The following DIS3L2 variants were observed in gnomAD, a reference collection of about 807,000 sequenced individuals.
The protein encoded by DIS3L2 is DIS3-like exonuclease 2.
A neutral mutation model predicts 97.5 loss-of-function variants in DIS3L2; 34 were observed. The ratio of observed to expected loss-of-function variants is 0.35; its 90% CI spans 0.27 to 0.46. The LOEUF is 0.46. DIS3L2 is among the 20% of genes least tolerant of loss of function. The pLI is 1.00. For synonymous variants in DIS3L2, 435 were observed against 445.2 expected (o/e 0.98, Z 0.29); for missense variants, 1,038 against 1,146.0 (o/e 0.91, Z 1.36).
chr2:232,214,724 C>T (rs760523535), intron 10 of DIS3L2, among the ~76,000 whole-genome samples: 2 of 152,234 alleles, frequency 1.3e-5, no homozygotes, highest in Non-Finnish European at 2.9e-5. Flanking sequence ...TTCAGAGTAA[C>T]AGCTACCCAT....
chr2:232,321,124 G>T (rs1695418736), intron 14 of DIS3L2, among the ~76,000 whole-genome samples: 2 of 152,144 alleles, frequency 1.3e-5, no homozygotes, highest in African/African-American at 4.8e-5. Context: ...GGGAACAGAG[G>T]CACTGATCTC....
chr2:232,189,417 C>T (rs770240568), intron 9 of DIS3L2, among the ~76,000 whole-genome samples: 3 of 152,132 alleles, frequency 2.0e-5, no homozygotes, highest in Admixed American at 6.5e-5. Flanking sequence ...TGTTGATATG[C>T]GCAACAGCTT....
At position 232,333,848 on chromosome 2, in the gene DIS3L2, G is replaced by A; in HGVS notation, c.2019G>A (p.Leu673=). 1 of 1,611,308 alleles carries A rather than the reference G, an allele frequency of 6.2e-7. No individual in the cohort carries two copies. Among genetic ancestry groups the A allele is most frequent in the South Asian group, 1.1e-5 (1 of 90,942 alleles). The change falls in exon 17 of 21, where the codon CTG becomes CTA. Residue 673 remains leucine (L), a synonymous_variant. Coordinates refer to ENST00000325385, the MANE Select transcript of DIS3L2 (RefSeq NM_152383.5). The part of the protein sequence containing the change: ...NMCSRPMQMA[L]YFCSGLLQDP... The stretch of plus-strand genomic sequence containing the variant: ...CCCATCCCGTCCCGCAGATGGCACT[G>A]TACTTCTGCTCGGGGCTGCTGCAGG...
intron 12 of DIS3L2, among the ~76,000 whole-genome samples, chr2:232,250,504 A>C (rs867746781): frequency 5.9e-5 from 9 of 151,934 alleles, no homozygotes; most frequent in Middle Eastern, 3.4e-3. Context: ...GAAACAACCC[A>C]GTTTATGCAG....
At chr2:232,103,072 T>A (rs1486142750) in intron 6 of DIS3L2, among the ~76,000 whole-genome samples, 1 of 152,160 alleles carries the variant, frequency 6.6e-6, no homozygotes, top group Non-Finnish European at 1.5e-5. Context: ...TAAACATGAT[T>A]GTTTTTATGA....
downstream of DIS3L2, among the ~76,000 whole-genome samples, chr2:232,337,638 G>C (rs375792297): frequency 1.8e-4 from 27 of 152,006 alleles, no homozygotes; most frequent in Non-Finnish European, 2.6e-4. Flanking sequence ...GTGGCTTGGC[G>C]TCCCCGAGAG....
intron 6 of DIS3L2, among the ~76,000 whole-genome samples, chr2:232,112,389 G>A (rs1239539020): frequency 6.6e-6 from 1 of 152,176 alleles, no homozygotes; most frequent in Non-Finnish European, 1.5e-5. Context: ...GTTACTTGCT[G>A]GGGAAAGAAA....
chr2:232,322,651 G>A (rs1695467502), intron 14 of DIS3L2, among the ~76,000 whole-genome samples: 1 of 152,222 alleles, frequency 6.6e-6, no homozygotes, highest in African/African-American at 2.4e-5. Context: ...GTGAGCACAC[G>A]TTCAAACTTG....
intron 6 of DIS3L2, among the ~76,000 whole-genome samples, chr2:232,126,486 G>A (rs1698067334): frequency 6.6e-6 from 1 of 152,170 alleles, no homozygotes. Context: ...TGGCCTCCAG[G>A]ACCAGGATGA....
At chr2:232,120,212 G>A (rs1457947802) in intron 6 of DIS3L2, among the ~76,000 whole-genome samples, 2 of 152,106 alleles carry the variant, frequency 1.3e-5, no homozygotes, top group Non-Finnish European at 2.9e-5. Context: ...TGTCACTCAG[G>A]CATAACTCTT....
intron 9 of DIS3L2, among the ~76,000 whole-genome samples, chr2:232,208,935 G>A (rs546195016): frequency 4.9e-4 from 75 of 152,022 alleles, no homozygotes; most frequent in African/African-American, 1.5e-3. Flanking sequence ...GTCTGAGGTG[G>A]GAGGATTATT....
intron 3 of DIS3L2, among the ~76,000 whole-genome samples, chr2:232,021,866 C>T (rs1387683006): frequency 1.3e-5 from 2 of 152,164 alleles, no homozygotes; most frequent in Non-Finnish European, 1.5e-5. Context: ...TGAGAGCACT[C>T]GAGAGAAGCA....
At chr2:232,101,956 C>A (rs1336444027) in intron 6 of DIS3L2, among the ~76,000 whole-genome samples, 1 of 152,208 alleles carries the variant, frequency 6.6e-6, no homozygotes. Flanking sequence ...AAGTATCATG[C>A]CACAGTTGAC....
At chr2:232,020,477 C>CA (rs773201218) in intron 3 of DIS3L2, among the ~76,000 whole-genome samples, 37 of 152,132 alleles carry the variant, frequency 2.4e-4, no homozygotes, top group Non-Finnish European at 4.7e-4. Context: ...CAGAGGGAGG[C>CA]ATCCCTGATG....
intron 14 of DIS3L2, among the ~76,000 whole-genome samples, chr2:232,317,166 CT>C (rs1488246227): frequency 6.6e-6 from 1 of 152,200 alleles, no homozygotes; most frequent in East Asian, 1.9e-4. Flanking sequence ...GTGTGAAAGG[CT>C]TTCCTCGCCC....
At chr2:232,323,792 G>T (rs1297000093) in intron 14 of DIS3L2, among the ~76,000 whole-genome samples, 1 of 151,402 alleles carries the variant, frequency 6.6e-6, no homozygotes, top group African/African-American at 2.5e-5. Flanking sequence ...TGGCAGCAGG[G>T]TGCATGGCCA....
At chr2:232,003,934 A>G (rs1158352507) in intron 1 of DIS3L2, among the ~76,000 whole-genome samples, 1 of 152,136 alleles carries the variant, frequency 6.6e-6, no homozygotes. Context: ...TAATTTTTAA[A>G]ACAATTTTCC....
intron 5 of DIS3L2, among the ~76,000 whole-genome samples, chr2:232,060,117 A>G (rs1458427216): frequency 6.6e-6 from 1 of 151,964 alleles, no homozygotes; most frequent in South Asian, 2.1e-4. Flanking sequence ...TAGTTTGCAG[A>G]TATTTTCTCC....
At chr2:232,087,806 A>G (rs1574865075) in intron 6 of DIS3L2, 85 bp downstream of exon 6, 2 of 1,094,788 alleles carry the variant, frequency 1.8e-6, no homozygotes, top group Non-Finnish European at 1.3e-6. Flanking sequence ...AGTAAATAAC[A>G]CAATGCCATT....
Sources: gnomAD v4.1 joint callset for allele counts (sites outside exome capture counted in the v4.1 genomes callset) on GRCh38, gnomAD v4.1.1 for gene constraint, MANE v1.5 for transcripts, NCBI Gene and HGNC (gene_info 2026-07-23, HGNC 2026-07-21) for gene names.